Variants in TAFA2 observed in about 807,000 individuals in gnomAD.
TAFA2 encodes TAFA chemokine like family member 2.
In TAFA2, 7 loss-of-function variants were observed where a neutral mutation model predicts 18.8. That is an observed-to-expected ratio of 0.37 (90% CI 0.21 to 0.70). The LOEUF is 0.70. Among genes scored for constraint, TAFA2 ranks in the 30% least tolerant of loss-of-function variants. The pLI is 0.53. For synonymous variants in TAFA2, 60 were observed against 54.2 expected (o/e 1.11, Z -0.47); for missense variants, 122 against 158.1 (o/e 0.77, Z 1.23).
intron 2 of TAFA2, among the ~76,000 whole-genome samples, chr12:61,766,572 T>C (rs966854066): frequency 6.6e-5 from 10 of 152,130 alleles, no homozygotes; most frequent in African/African-American, 2.4e-4. Context: ...GTAACGCGTG[T>C]AATTGTCTTT....
intron 1 of TAFA2, among the ~76,000 whole-genome samples, chr12:62,132,185 C>T (rs145242241): frequency 2.6e-5 from 4 of 151,882 alleles, no homozygotes; most frequent in East Asian, 3.9e-4. Flanking sequence ...ATAAACAATT[C>T]GAGCTCACAT....
chr12:61,861,256 CT>C (rs1172711323), intron 2 of TAFA2, among the ~76,000 whole-genome samples: 6,272 of 117,120 alleles, frequency 0.054, 394 homozygotes, highest in African/African-American at 0.17. Context: ...CTGGCCTCGC[CT>C]TTTTTTTTTT....
intron 1 of TAFA2, among the ~76,000 whole-genome samples, chr12:61,981,713 TATC>T (rs1231291136): frequency 6.6e-6 from 1 of 152,154 alleles, no homozygotes; most frequent in Non-Finnish European, 1.5e-5. Flanking sequence ...AAAAAATGCT[TATC>T]ATCACTGGTC....
intron 2 of TAFA2, among the ~76,000 whole-genome samples, chr12:61,760,067 G>T (rs1420733627): frequency 1.8e-5 from 2 of 109,374 alleles, no homozygotes; most frequent in Non-Finnish European, 3.6e-5. Context: ...GGGCTTTCCT[G>T]CCCAGTGCTT....
chr12:61,835,204 T>G (rs1173102709), intron 2 of TAFA2, among the ~76,000 whole-genome samples: 1 of 152,066 alleles, frequency 6.6e-6, no homozygotes, highest in Non-Finnish European at 1.5e-5. Context: ...GGATTACTGC[T>G]AACAGTAATG....
At chr12:62,078,389 C>T (rs969779200) in intron 1 of TAFA2, among the ~76,000 whole-genome samples, 10 of 144,656 alleles carry the variant, frequency 6.9e-5, no homozygotes, top group Non-Finnish European at 1.2e-4. Flanking sequence ...ACTATGCACA[C>T]GTACCCTAAA....
rs183953456 is a variant in TAFA2 at position 61,881,334 on chromosome 12, A to T, written c.-1-13908T>A. Among the ~76,000 whole-genome samples the T allele has an allele frequency of 2.0e-4, 30 of 152,328 alleles. No individual in the cohort carries two copies. The East Asian group carries it at 5.6e-3, about 28-fold the overall frequency. ...GTGTACTGACACAAACCCATATGGT[A>T]CAGCCTACTACACACCTAGGCTATT... On this transcript the variant is annotated intron_variant, in intron 1 of 4. Coordinates refer to ENST00000416284, the MANE Select transcript of TAFA2 (RefSeq NM_178539.5).
intron 1 of TAFA2, among the ~76,000 whole-genome samples, chr12:62,128,675 C>T (rs1268583690): frequency 1.3e-5 from 2 of 152,014 alleles, no homozygotes; most frequent in Admixed American, 1.3e-4. Context: ...ATTCATAATT[C>T]ATGTTTATGC....
intron 4 of TAFA2, among the ~76,000 whole-genome samples, chr12:61,748,620 A>T (rs1868850468): frequency 6.6e-6 from 1 of 152,120 alleles, no homozygotes; most frequent in African/African-American, 2.4e-5. Flanking sequence ...GAGCAGAGTC[A>T]CTGAGATTTG....
intron 4 of TAFA2, among the ~76,000 whole-genome samples, chr12:61,745,622 T>C (rs1456122982): frequency 1.3e-5 from 2 of 152,144 alleles, no homozygotes; most frequent in African/African-American, 4.8e-5. Context: ...ACTTATTTTG[T>C]TTATTTTTTT....
intron 2 of TAFA2, among the ~76,000 whole-genome samples, chr12:61,781,169 A>AT (rs1458989037): frequency 6.6e-6 from 1 of 151,810 alleles, no homozygotes; most frequent in Non-Finnish European, 1.5e-5. Flanking sequence ...ATCAGCAGGT[A>AT]TAAATGGGTC....
chr12:62,032,401 G>A (rs1881482882), intron 1 of TAFA2, among the ~76,000 whole-genome samples: 1 of 152,094 alleles, frequency 6.6e-6, no homozygotes, highest in Non-Finnish European at 1.5e-5. Context: ...CAATATCTCT[G>A]ACAAGAGTTC....
Position 61,809,850 on chromosome 12 carries a change from G to A in TAFA2, c.107-54826C>T, listed in dbSNP as rs551332136. ...AACAGCCACCCCTAACATCGAAAGG[G>A]AAATCTCAATACCTCCATGCACAGT... On this transcript the variant is annotated intron_variant, in intron 2 of 4. Transcript: ENST00000416284. Among the ~76,000 whole-genome samples, 211 of 151,298 alleles carry A rather than the reference G, an allele frequency of 1.4e-3. 18 individuals carry two copies. Among genetic ancestry groups the A allele is most frequent in the African/African-American group, 5.0e-3 (204 of 40,670 alleles).
chr12:62,087,085 T>A (rs1223958482), intron 1 of TAFA2, among the ~76,000 whole-genome samples: 1 of 151,990 alleles, frequency 6.6e-6, no homozygotes, highest in East Asian at 1.9e-4. Context: ...CTTAGAGTAG[T>A]CAAATTTGTT....
intron 2 of TAFA2, among the ~76,000 whole-genome samples, chr12:61,823,767 A>C (rs1466296056): frequency 6.6e-6 from 1 of 152,132 alleles, no homozygotes; most frequent in African/African-American, 2.4e-5. Flanking sequence ...TCAGACATGA[A>C]TGTTTAAGGA....
chr12:61,937,660 A>T (rs2121409886), intron 1 of TAFA2, among the ~76,000 whole-genome samples: 1 of 152,350 alleles, frequency 6.6e-6, no homozygotes, highest in Non-Finnish European at 1.5e-5. Flanking sequence ...TCAACTGAAG[A>T]TGGAGCAAAG....
chr12:61,799,317 G>A (rs1871310294), intron 2 of TAFA2, among the ~76,000 whole-genome samples: 1 of 152,076 alleles, frequency 6.6e-6, no homozygotes, highest in Non-Finnish European at 1.5e-5. Context: ...CACACTATAA[G>A]TGTTATTAAC....
chr12:61,802,752 C>G (rs142143623), intron 2 of TAFA2, among the ~76,000 whole-genome samples: 10 of 151,900 alleles, frequency 6.6e-5, no homozygotes, highest in Middle Eastern at 3.4e-3. Context: ...TGAATGTTCC[C>G]AACAGAAAGA....
At chr12:61,806,420 G>A (rs2198781) in intron 2 of TAFA2, among the ~76,000 whole-genome samples, 49,809 of 152,044 alleles carry the variant, frequency 0.33, 8,212 homozygotes, top group South Asian at 0.4. Context: ...CCAACCACAC[G>A]GAACTGTAAG....
Sources: gnomAD v4.1 joint callset for allele counts (sites outside exome capture counted in the v4.1 genomes callset) on GRCh38, gnomAD v4.1.1 for gene constraint, MANE v1.5 for transcripts, NCBI Gene and HGNC (gene_info 2026-07-23, HGNC 2026-07-21) for gene names.